BARX2: variants seen among roughly 807,000 people sequenced by gnomAD.
The protein encoded by BARX2 is homeobox protein BarH-like 2.
A neutral mutation model predicts 25.5 loss-of-function variants in BARX2; 11 were observed. The observed-to-expected ratio is 0.43, with a 90% CI of 0.27 to 0.71. The LOEUF is 0.71. Among genes scored for constraint, BARX2 ranks in the 30% least tolerant of loss-of-function variants. BARX2 has a pLI of 0.19. For missense variants in BARX2, 360 were observed against 359.9 expected (o/e 1.00, Z 0.00); for synonymous variants, 137 against 149.5 (o/e 0.92, Z 0.61).
chr11:129,385,030 G>T (rs559900629), intron 1 of BARX2, among the ~76,000 whole-genome samples: 2 of 152,326 alleles, frequency 1.3e-5, no homozygotes, highest in Non-Finnish European at 2.9e-5. Context: ...TAGAAAGGAA[G>T]ATCTCAATGG....
rs1861652046 is a variant in BARX2 at position 129,390,031 on chromosome 11, T to G, written c.187+13809T>G. On this transcript the variant is annotated intron_variant, in intron 1 of 3. Transcript: ENST00000281437. This position sits in a 1 kb window ranked among gnomAD's most constrained non-coding sequence, Gnocchi z 4.3. ...TTCCATGTGGATTTTTTTGGGATTG[T>G]GTTTCTCAGCTGGTCACTAGTGTCT... Among the ~76,000 whole-genome samples, 1 of 152,214 alleles carries G rather than the reference T, an allele frequency of 6.6e-6. No homozygotes were observed. Among genetic ancestry groups the G allele is most frequent in the Non-Finnish European group, 1.5e-5 (1 of 68,038 alleles).
intron 1 of BARX2, among the ~76,000 whole-genome samples, chr11:129,393,080 G>A (rs1861682074): frequency 6.6e-6 from 1 of 152,006 alleles, no homozygotes; most frequent in African/African-American, 2.4e-5. Context: ...AGACCAGCCT[G>A]GGCAACATGG....
chr11:129,380,234 G>C (rs1861548397), intron 1 of BARX2, among the ~76,000 whole-genome samples: 1 of 152,064 alleles, frequency 6.6e-6, no homozygotes, highest in Non-Finnish European at 1.5e-5. Flanking sequence ...CAGTTAGAAG[G>C]GACATTTGGG....
In BARX2 at chr11:129,436,433, C is replaced by T. The variant is rs1862189590; in HGVS notation, c.188-318C>T. ...CTAGCTTTTCCTGACTACTTCTTTT[C>T]ATCTGCCTGGTCCCATGGACCAAGA... On this transcript the variant is annotated intron_variant, in intron 1 of 3. Coordinates refer to ENST00000281437, the MANE Select transcript of BARX2 (RefSeq NM_003658.5). The surrounding 1 kb of genome is among the most constrained non-coding windows in gnomAD (Gnocchi z 4.5). The T allele has an allele frequency of 2.9e-6, 1 of 340,042 alleles. No homozygotes were observed. The highest frequency in any genetic ancestry group is 4.8e-5 in the Admixed American group (1 of 20,992). 21.1% of individuals were successfully genotyped at this position (340,042 alleles called of 1,614,324 possible). A position where few individuals can be genotyped will look rare whatever the true frequency, so the allele number is the denominator to read the frequency against.
chr11:129,405,848 T>C (rs1353111), intron 1 of BARX2, among the ~76,000 whole-genome samples: 26,303 of 152,168 alleles, frequency 0.17, 2,690 homozygotes, highest in East Asian at 0.39. Flanking sequence ...ATCAGAGTTA[T>C]CTCTGTTACT....
At chr11:129,432,282 G>T (rs551929777) in intron 1 of BARX2, among the ~76,000 whole-genome samples, 27 of 152,082 alleles carry the variant, frequency 1.8e-4, no homozygotes, top group African/African-American at 6.3e-4. Context: ...GGCTTGTCTC[G>T]AACTCCTGAC....
At chr11:129,398,611 G>A (rs1861745929) in intron 1 of BARX2, among the ~76,000 whole-genome samples, 1 of 152,334 alleles carries the variant, frequency 6.6e-6, no homozygotes, top group Non-Finnish European at 1.5e-5. Context: ...CATTGGAATA[G>A]TTGCAACAGG....
intron 1 of BARX2, among the ~76,000 whole-genome samples, chr11:129,434,429 A>G (rs1384064912): frequency 4.1e-5 from 6 of 146,660 alleles, no homozygotes; most frequent in African/African-American, 1.5e-4. Flanking sequence ...AGTAAAAAAA[A>G]AAAAAAAAAA....
chr11:129,430,863 T>C (rs182316942), intron 1 of BARX2, among the ~76,000 whole-genome samples: 1 of 152,258 alleles, frequency 6.6e-6, no homozygotes, highest in East Asian at 1.9e-4. Context: ...AAGTTTTTTG[T>C]TTTGTTTTAT....
chr11:129,430,842 C>T (rs985591871), intron 1 of BARX2, among the ~76,000 whole-genome samples: 7 of 152,086 alleles, frequency 4.6e-5, no homozygotes, highest in Non-Finnish European at 8.8e-5. Context: ...GAGATTCATC[C>T]ACTATTCATC....
Position 129,451,417 on chromosome 11 carries a change from G to T in BARX2, c.*15G>T. On this transcript the variant is annotated 3_prime_UTR_variant, in exon 4 of 4. Coordinates refer to ENST00000281437, the MANE Select transcript of BARX2 (RefSeq NM_003658.5). ...CATTAAGCTAAAGTAAAACCCTTTTGAGGGAAGAGGGAGACTGGGGAGAAG... is the reference window on the plus strand; with the variant it reads ...CATTAAGCTAAAGTAAAACCCTTTTTAGGGAAGAGGGAGACTGGGGAGAAG... 1 of 1,604,838 alleles carries T rather than the reference G, an allele frequency of 6.2e-7. No homozygotes were observed.
At chr11:129,434,421 TAAA>T (rs56344103) in intron 1 of BARX2, among the ~76,000 whole-genome samples, 13,439 of 76,832 alleles carry the variant, frequency 0.17, 1,027 homozygotes, top group African/African-American at 0.32. Context: ...AAAAAGTAAG[TAAA>T]AAAAAAAAAA....
chr11:129,410,741 AG>A (rs1439441844), intron 1 of BARX2, among the ~76,000 whole-genome samples: 3 of 152,174 alleles, frequency 2.0e-5, no homozygotes, highest in Non-Finnish European at 4.4e-5. Flanking sequence ...TTCTGCCAGC[AG>A]GTGGGGTGAA....
intron 2 of BARX2, among the ~76,000 whole-genome samples, chr11:129,441,916 G>T (rs1448384093): frequency 6.6e-6 from 1 of 152,122 alleles, no homozygotes; most frequent in African/African-American, 2.4e-5. Flanking sequence ...CATGTCAGGG[G>T]CTTAGCATGT....
rs777662666 is a variant in BARX2, at chr11:129,442,877, G to A, written c.531G>A (p.Val177=). 3.7e-6 allele frequency: 6 copies of A among 1,613,836 alleles called. No homozygotes were observed. Among genetic ancestry groups the A allele is most frequent in the Non-Finnish European group, 3.4e-6 (4 of 1,179,938 alleles). The change falls in exon 3 of 4, where the codon GTG becomes GTA. Residue 177 remains valine, a synonymous_variant. Transcript: ENST00000281437. ...CTCTGGGACTCACTCAGCTGCAGGT[G>A]AAGACCTGGTATCAGAATCGCAGGA... ...AQSLGLTQLQ[V]KTWYQNRRMK... is the part of the protein sequence containing the mutation.
chr11:129,397,323 T>G (rs1014227078), intron 1 of BARX2, among the ~76,000 whole-genome samples: 2 of 151,718 alleles, frequency 1.3e-5, no homozygotes, highest in Non-Finnish European at 2.9e-5. Context: ...GCTAAGAAAC[T>G]GAAGTAATTA....
Position 129,376,342 on chromosome 11 carries a change from C to A in BARX2, c.187+120C>A. Reference sequence around the variant, plus strand: ...TAAGTTAAGGGATTCTTTTCCTGCGCCTCAGCAAGCGGTGGGCATTGCAAA... The same window carrying A: ...TAAGTTAAGGGATTCTTTTCCTGCGACTCAGCAAGCGGTGGGCATTGCAAA... On this transcript the variant is annotated intron_variant, in intron 1 of 3. Coordinates refer to ENST00000281437, the MANE Select transcript of BARX2 (RefSeq NM_003658.5). The surrounding 1 kb of genome is among the most constrained non-coding windows in gnomAD (Gnocchi z 4.2). 9.5e-7 allele frequency: 1 copy of A among 1,052,052 alleles called. No individual in the cohort carries two copies. Among genetic ancestry groups the A allele is most frequent in the Non-Finnish European group, 1.3e-6 (1 of 742,890 alleles). The allele number at this position is 1,052,052 out of a possible 1,614,324, so 65.2% of individuals were successfully genotyped here.
intron 1 of BARX2, among the ~76,000 whole-genome samples, chr11:129,399,065 A>G (rs923293984): frequency 2.6e-5 from 4 of 152,246 alleles, no homozygotes; most frequent in African/African-American, 7.2e-5. Flanking sequence ...ACTTTTCTCA[A>G]TGTTCAAGGA....
rs1861844639 is a variant in BARX2 at position 129,407,611 on chromosome 11, TTAG to T, written c.188-29138_188-29136del. ...TCAGATGTTTTTCATATTATACTTA[TTAG>T]TGGATAATACAGTTCAGTAAACTTT... On this transcript the variant is annotated intron_variant, in intron 1 of 3. Coordinates refer to ENST00000281437, the MANE Select transcript of BARX2 (RefSeq NM_003658.5). 2.0e-5 allele frequency among the ~76,000 whole-genome samples: 3 copies of T among 152,322 alleles called. No individual in the cohort carries two copies. The East Asian group carries it at 5.8e-4, about 29-fold the overall frequency.
Sources: allele counts gnomAD v4.1 joint callset (sites outside exome capture counted in the v4.1 genomes callset), GRCh38; gene constraint gnomAD v4.1.1; non-coding constraint Gnocchi (gnomAD v3.1); transcripts MANE v1.5; gene names NCBI Gene and HGNC (gene_info 2026-07-23, HGNC 2026-07-21).